Variants in CHST11 observed in about 807,000 individuals in gnomAD.
CHST11 encodes the protein carbohydrate sulfotransferase 11, also known as C4S-1.
In CHST11, 9 loss-of-function variants were observed where a neutral mutation model predicts 30.4. The ratio of observed to expected loss-of-function variants is 0.30; its 90% CI spans 0.18 to 0.52. The LOEUF (loss-of-function observed/expected upper bound fraction) is 0.52, where lower values mean the gene tolerates loss of function less well. Among genes scored for constraint, CHST11 ranks in the 20% least tolerant of loss-of-function variants. CHST11 has a pLI of 0.97. For missense variants in CHST11, 348 were observed against 460.6 expected, an observed-to-expected ratio of 0.76 and a Z score of 2.24; for synonymous variants, 152 against 187.8, an observed-to-expected ratio of 0.81 and a Z score of 1.56.
At position 104,663,226 on chromosome 12, in the gene CHST11, C is replaced by T. The variant is rs75442130; in HGVS notation, c.204+61235C>T. Among the ~76,000 whole-genome samples the T allele has an allele frequency of 5.4e-4, 83 of 152,314 alleles. 2 individuals are homozygous for T. In the East Asian group the frequency reaches 0.015, roughly 28 times the overall value. On this transcript the variant is annotated intron_variant, in intron 2 of 2. Transcript: ENST00000303694. ...CCTCACCTCCGTGCGACTTCCATCT[C>T]GTGACGTTCTACTGAATCTGTGATT...
intron 2 of CHST11, among the ~76,000 whole-genome samples, chr12:104,753,139 T>A (rs1243631072): frequency 6.6e-6 from 1 of 152,236 alleles, no homozygotes; most frequent in Non-Finnish European, 1.5e-5. Flanking sequence ...TCACTTTGCC[T>A]GTCTCAGCCT....
chr12:104,747,077 G>C (rs2040393564), intron 2 of CHST11, among the ~76,000 whole-genome samples: 1 of 152,232 alleles, frequency 6.6e-6, no homozygotes. Context: ...CACCCGGGCA[G>C]CCTCAGATTT....
intron 2 of CHST11, among the ~76,000 whole-genome samples, chr12:104,691,637 G>A (rs896835595): frequency 4.6e-5 from 7 of 152,038 alleles, no homozygotes; most frequent in East Asian, 1.9e-4. Context: ...ACAGGCATGC[G>A]CCACAGTGCC....
intron 1 of CHST11, among the ~76,000 whole-genome samples, chr12:104,557,340 G>C (rs900904214): frequency 6.6e-6 from 1 of 152,220 alleles, no homozygotes; most frequent in Non-Finnish European, 1.5e-5. Flanking sequence ...GGTTGCTGGA[G>C]AGGCCAGGTC....
intron 1 of CHST11, among the ~76,000 whole-genome samples, chr12:104,569,797 A>G (rs2038606080): frequency 6.6e-6 from 1 of 152,130 alleles, no homozygotes; most frequent in South Asian, 2.1e-4. Context: ...GGCACCATTG[A>G]CCATGCTGCA....
intron 1 of CHST11, among the ~76,000 whole-genome samples, chr12:104,538,092 A>T (rs568218150): frequency 5.1e-4 from 78 of 152,306 alleles, no homozygotes; most frequent in African/African-American, 1.9e-3. Flanking sequence ...AGATTTTCTT[A>T]GTTGTTACCT....
rs541196309 is a variant in CHST11, at chr12:104,758,774, T to C, written c.*971T>C. Reference sequence around the variant, plus strand: ...AATTTACATTTTTCTATGGCCCATATTTGAAAACCTCACATTCGGAGCAGG... The same window carrying C: ...AATTTACATTTTTCTATGGCCCATACTTGAAAACCTCACATTCGGAGCAGG... On this transcript the variant is annotated 3_prime_UTR_variant, in exon 3 of 3. Coordinates refer to ENST00000303694, the MANE Select transcript of CHST11 (RefSeq NM_018413.6). 6.6e-6 allele frequency: 1 copy of C among 152,294 alleles called. No individual in the cohort carries two copies. Among genetic ancestry groups the C allele is most frequent in the South Asian group, 2.1e-4 (1 of 4,820 alleles). The allele number at this position is 152,294 out of a possible 1,614,324, so 9.4% of individuals were successfully genotyped here.
At chr12:104,714,928 C>CA (rs2040118146) in intron 2 of CHST11, among the ~76,000 whole-genome samples, 1 of 152,184 alleles carries the variant, frequency 6.6e-6, no homozygotes, top group Admixed American at 6.5e-5. Flanking sequence ...TGTTCCGATC[C>CA]AGACCCGAAG....
intron 2 of CHST11, among the ~76,000 whole-genome samples, chr12:104,659,785 G>A (rs1216602953): frequency 7.1e-6 from 1 of 140,010 alleles, no homozygotes; most frequent in Non-Finnish European, 1.6e-5. Flanking sequence ...GGGCAACATA[G>A]TGAGACCCCC....
intron 1 of CHST11, among the ~76,000 whole-genome samples, chr12:104,564,947 G>T (rs1466183921): frequency 6.6e-6 from 1 of 152,132 alleles, no homozygotes; most frequent in East Asian, 1.9e-4. Flanking sequence ...ACTATCATGA[G>T]AACAGCACAG....
chr12:104,674,653 T>C (rs1346927840), intron 2 of CHST11, among the ~76,000 whole-genome samples: 1 of 152,230 alleles, frequency 6.6e-6, no homozygotes, highest in Non-Finnish European at 1.5e-5. Context: ...ATTAATTGAA[T>C]ATTGAATGGC....
chr12:104,490,658 C>T lies in CHST11; in HGVS notation c.118+33129C>T, dbSNP rs191975999. Among the ~76,000 whole-genome samples the T allele has an allele frequency of 4.7e-3, 720 of 152,266 alleles. 21 individuals carry two copies. Among genetic ancestry groups the T allele is most frequent in the Non-Finnish European group, 1.2e-3 (81 of 68,034 alleles). On this transcript the variant is annotated intron_variant, in intron 1 of 2. Coordinates refer to ENST00000303694, the MANE Select transcript of CHST11 (RefSeq NM_018413.6). ...TATTCTGTGTTAAGTCTTGAACCTG[C>T]TGTTGCTGAACATTGGTCAGGGGAA...
At chr12:104,585,653 A>G (rs1300650731) in intron 1 of CHST11, among the ~76,000 whole-genome samples, 3 of 152,178 alleles carry the variant, frequency 2.0e-5, no homozygotes, top group African/African-American at 7.2e-5. Context: ...CAAGATGGGA[A>G]CCCATGTGTA....
intron 2 of CHST11, among the ~76,000 whole-genome samples, chr12:104,701,075 C>A (rs1283561660): frequency 2.0e-5 from 3 of 152,170 alleles, no homozygotes; most frequent in Non-Finnish European, 4.4e-5. Flanking sequence ...ACAATAATAA[C>A]ACCAGATGCC....
chr12:104,530,957 G>T (rs1197132537), intron 1 of CHST11, among the ~76,000 whole-genome samples: 1 of 152,168 alleles, frequency 6.6e-6, no homozygotes, highest in Non-Finnish European at 1.5e-5. Context: ...TGGATTTAAG[G>T]CTCATTAAGG....
chr12:104,669,597 T>C (rs2039672355), intron 2 of CHST11, among the ~76,000 whole-genome samples: 1 of 152,156 alleles, frequency 6.6e-6, no homozygotes. Context: ...GCTCCCCCTT[T>C]CTGCAGTGGA....
At chr12:104,460,663 CAAAAA>C (rs10570106) in intron 1 of CHST11, among the ~76,000 whole-genome samples, 1 of 124,468 alleles carries the variant, frequency 8.0e-6, no homozygotes. Flanking sequence ...AACTGTGTCT[CAAAAA>C]AAAAAAAAAA....
intron 2 of CHST11, among the ~76,000 whole-genome samples, chr12:104,703,401 C>T (rs1269389099): frequency 1.3e-5 from 2 of 152,186 alleles, no homozygotes; most frequent in African/African-American, 4.8e-5. Context: ...CCTCAGAGGC[C>T]TCTGTGACAT....
chr12:104,554,230 G>A (rs2038433010), intron 1 of CHST11, among the ~76,000 whole-genome samples: 1 of 152,146 alleles, frequency 6.6e-6, no homozygotes, highest in South Asian at 2.1e-4. Flanking sequence ...TGAATACCAG[G>A]ATTTGGGGGT....
Sources: allele counts gnomAD v4.1 joint callset (sites outside exome capture counted in the v4.1 genomes callset), GRCh38; gene constraint gnomAD v4.1.1; transcripts MANE v1.5; gene names NCBI Gene and HGNC (gene_info 2026-07-23, HGNC 2026-07-21).